Variants in RERE observed in about 807,000 individuals in gnomAD.
RERE encodes arginine-glutamic acid dipeptide repeats protein.
Under a neutral mutation model 146.1 loss-of-function variants are expected in RERE, and 40 were observed. The observed-to-expected ratio is 0.27, with a 90% CI of 0.21 to 0.36. RERE has a LOEUF of 0.36. Ranked by LOEUF, RERE falls within the 10% of genes least tolerant of loss-of-function variation. The pLI is 1.00. For synonymous variants in RERE, 1,003 were observed against 866.0 expected (o/e 1.16, Z -2.78); for missense variants, 1,933 against 2,138.7 (o/e 0.90, Z 1.90).
intron 3 of RERE, among the ~76,000 whole-genome samples, chr1:8,623,163 C>A (rs1170123782): frequency 6.6e-6 from 1 of 152,130 alleles, no homozygotes; most frequent in East Asian, 1.9e-4. Context: ...AACAGTGGTT[C>A]CCGGCTGGCA....
In RERE at chr1:8,353,288, C is replaced by T. The variant is rs997812424; in HGVS notation, c.*1799G>A. ...CAAGCCTATCCCAACTGAAACCAAA[C>T]ACGGTTTTTAAGAGAAACTGGAAAT... On this transcript the variant is annotated 3_prime_UTR_variant, in exon 23 of 23. Coordinates refer to ENST00000400908, the MANE Select transcript of RERE (RefSeq NM_001042681.2). 2 of 152,364 alleles carry T rather than the reference C, an allele frequency of 1.3e-5. No individual in the cohort carries two copies. The highest frequency in any genetic ancestry group is 4.8e-5 in the African/African-American group (2 of 41,464). 9.4% of individuals were successfully genotyped at this position (152,364 alleles called of 1,614,324 possible). A position where few individuals can be genotyped will look rare whatever the true frequency, so the allele number is the denominator to read the frequency against.
At chr1:8,583,186 GA>G (rs1346316933) in intron 4 of RERE, among the ~76,000 whole-genome samples, 1 of 152,178 alleles carries the variant, frequency 6.6e-6, no homozygotes, top group Non-Finnish European at 1.5e-5. Flanking sequence ...GTACTAGAAG[GA>G]TGGTAGCATT....
At chr1:8,520,753 TTAAAAAAAA>T (rs1224543273) in intron 7 of RERE, among the ~76,000 whole-genome samples, 4 of 78,160 alleles carry the variant, frequency 5.1e-5, no homozygotes, top group Non-Finnish European at 9.8e-5. Flanking sequence ...AAAAAACTTT[TTAAAAAAAA>T]AAAAAAAAAA....
chr1:8,497,803 A>G (rs1172272692), intron 8 of RERE, among the ~76,000 whole-genome samples: 1 of 152,250 alleles, frequency 6.6e-6, no homozygotes, highest in Non-Finnish European at 1.5e-5. Context: ...GTAAAACTGA[A>G]GCACACACAT....
chr1:8,597,696 C>T (rs1646571645), intron 4 of RERE, among the ~76,000 whole-genome samples: 1 of 152,126 alleles, frequency 6.6e-6, no homozygotes, highest in Non-Finnish European at 1.5e-5. Context: ...TATGAATGTG[C>T]ACACTCGAAA....
chr1:8,469,669 C>T (rs1644654319), intron 10 of RERE, among the ~76,000 whole-genome samples: 1 of 152,094 alleles, frequency 6.6e-6, no homozygotes, highest in Non-Finnish European at 1.5e-5. Flanking sequence ...TATGTGCCTG[C>T]TACCAGGAAA....
At chr1:8,431,310 G>A (rs1193281135) in intron 11 of RERE, among the ~76,000 whole-genome samples, 1 of 152,128 alleles carries the variant, frequency 6.6e-6, no homozygotes, top group Admixed American at 6.5e-5. Flanking sequence ...ATAGGACCAC[G>A]AATCCTATTG....
intron 4 of RERE, among the ~76,000 whole-genome samples, chr1:8,584,922 T>C (rs1198641357): frequency 1.3e-5 from 2 of 151,720 alleles, no homozygotes; most frequent in Non-Finnish European, 2.9e-5. Flanking sequence ...CCAAGGCGGG[T>C]GGATCACTTT....
At position 8,649,005 on chromosome 1, in the gene RERE, T is replaced by G. The variant is rs553733748; in HGVS notation, c.325+6968A>C. On this transcript the variant is annotated intron_variant, in intron 2 of 22. Coordinates refer to ENST00000400908, the MANE Select transcript of RERE (RefSeq NM_001042681.2). ...AAATCTCACAATAATATGAAGTTAG[T>G]TTTTTAACCAGTTCTACCTACACCA... Among the ~76,000 whole-genome samples, 38 of 151,508 alleles carry G rather than the reference T, an allele frequency of 2.5e-4. No individual in the cohort carries two copies. The South Asian group carries it at 7.7e-3, about 31-fold the overall frequency.
intron 1 of RERE, among the ~76,000 whole-genome samples, chr1:8,808,610 C>T (rs1641733524): frequency 6.6e-6 from 1 of 152,140 alleles, no homozygotes; most frequent in Non-Finnish European, 1.5e-5. Flanking sequence ...GGTAAATAAC[C>T]TGCCCGAAGT....
chr1:8,637,252 T>C (rs1647112905), intron 2 of RERE, among the ~76,000 whole-genome samples: 1 of 152,150 alleles, frequency 6.6e-6, no homozygotes, highest in Admixed American at 6.5e-5. Flanking sequence ...TGAAGTCAAG[T>C]TCCTAGCACG....
intron 12 of RERE, chr1:8,380,872 T>G (rs1292470812): frequency 2.2e-6 from 1 of 456,750 alleles, no homozygotes; most frequent in Non-Finnish European, 4.4e-6. Context: ...GTCCTGGTCC[T>G]GAAAGTGCTC....
At chr1:8,745,860 AG>A (rs1640409029) in intron 1 of RERE, among the ~76,000 whole-genome samples, 1 of 152,256 alleles carries the variant, frequency 6.6e-6, no homozygotes. Context: ...GCTTGAGCCC[AG>A]GAATTCAAGA....
chr1:8,687,009 G>A (rs1005540740), intron 1 of RERE, among the ~76,000 whole-genome samples: 2 of 152,188 alleles, frequency 1.3e-5, no homozygotes, highest in East Asian at 3.8e-4. Flanking sequence ...AAGGAGAACT[G>A]GAGATCTGGG....
At chr1:8,556,434 G>T in intron 6 of RERE, 41 bp downstream of exon 6, 2 of 1,154,228 alleles carry the variant, frequency 1.7e-6, no homozygotes, top group South Asian at 1.2e-5. Flanking sequence ...TGCACTCAGT[G>T]ACTCCTCCTT....
chr1:8,384,456 A>T (rs1054587322), intron 12 of RERE, among the ~76,000 whole-genome samples: 3 of 152,192 alleles, frequency 2.0e-5, no homozygotes, highest in Non-Finnish European at 4.4e-5. Flanking sequence ...AAGAGCAGGG[A>T]TCCTCTCCTG....
chr1:8,441,719 TACTC>T (rs1325820196), intron 11 of RERE, among the ~76,000 whole-genome samples: 2 of 152,212 alleles, frequency 1.3e-5, no homozygotes, highest in African/African-American at 4.8e-5. Flanking sequence ...CCCATCTACT[TACTC>T]ACATAAACAA....
chr1:8,536,437 A>G (rs1645728301), intron 7 of RERE, among the ~76,000 whole-genome samples: 1 of 152,210 alleles, frequency 6.6e-6, no homozygotes, highest in South Asian at 2.1e-4. Context: ...AACTAAGGAC[A>G]GTAAAGAGAG....
intron 1 of RERE, among the ~76,000 whole-genome samples, chr1:8,808,789 C>G (rs1458656245): frequency 1.3e-5 from 2 of 152,154 alleles, no homozygotes; most frequent in African/African-American, 4.8e-5. Context: ...AGATCTGCAT[C>G]TCCAGAGAGA....
Sources: gnomAD v4.1 joint callset for allele counts (sites outside exome capture counted in the v4.1 genomes callset) on GRCh38, gnomAD v4.1.1 for gene constraint, MANE v1.5 for transcripts, NCBI Gene and HGNC (gene_info 2026-07-23, HGNC 2026-07-21) for gene names.